GPC6: variants seen among roughly 807,000 people sequenced by gnomAD.
GPC6 encodes the protein glypican-6.
GPC6 carries 14 observed loss-of-function variants against 55.2 expected under a neutral mutation model. The ratio of observed to expected loss-of-function variants is 0.25; its 90% confidence interval spans 0.17 to 0.40. The LOEUF (loss-of-function observed/expected upper bound fraction) is 0.40. Ranked by LOEUF, GPC6 falls within the 10% of genes least tolerant of loss-of-function variation. The pLI, the probability that GPC6 is intolerant of heterozygous loss-of-function variation, is 1.00. For synonymous variants in GPC6, 278 were observed against 259.6 expected (o/e 1.07, Z -0.68); for missense variants, 641 against 708.5 (o/e 0.90, Z 1.08).
At chr13:94,244,198 T>G (rs1342627300) in intron 4 of GPC6, among the ~76,000 whole-genome samples, 2 of 152,170 alleles carry the variant, frequency 1.3e-5, no homozygotes, top group Non-Finnish European at 2.9e-5. Flanking sequence ...ATGATTTATC[T>G]GTGCTGTGCC....
intron 4 of GPC6, among the ~76,000 whole-genome samples, chr13:94,115,020 T>C (rs1054058382): frequency 1.3e-5 from 2 of 152,136 alleles, no homozygotes; most frequent in Non-Finnish European, 2.9e-5. Flanking sequence ...AATAAGTAAA[T>C]GGTTAAATGT....
chr13:94,240,364 C>A (rs780784882), intron 4 of GPC6, among the ~76,000 whole-genome samples: 2 of 152,088 alleles, frequency 1.3e-5, no homozygotes, highest in Admixed American at 6.6e-5. Context: ...TGGCATCCTC[C>A]AGACACATAT....
At chr13:93,981,281 G>T (rs892762751) in intron 3 of GPC6, among the ~76,000 whole-genome samples, 1 of 151,838 alleles carries the variant, frequency 6.6e-6, no homozygotes, top group Non-Finnish European at 1.5e-5. Flanking sequence ...AAGTTTTTTC[G>T]CAAGAACTTA....
intron 1 of GPC6, among the ~76,000 whole-genome samples, chr13:93,319,047 A>G (rs544346185): frequency 3.3e-5 from 5 of 152,214 alleles, no homozygotes; most frequent in Admixed American, 2.6e-4. Flanking sequence ...GAGATATCCC[A>G]TCAATTACTT....
chr13:93,334,029 A>G (rs1879954694), intron 1 of GPC6, among the ~76,000 whole-genome samples: 2 of 152,142 alleles, frequency 1.3e-5, no homozygotes, highest in South Asian at 2.1e-4. Context: ...TCATAAGTTC[A>G]CAAGTATATT....
intron 8 of GPC6, among the ~76,000 whole-genome samples, chr13:94,402,422 G>A (rs901666025): frequency 2.6e-5 from 4 of 152,134 alleles, no homozygotes; most frequent in Admixed American, 6.5e-5. Context: ...CATAACTCAG[G>A]TATCAGTTGA....
At chr13:93,454,127 T>C (rs1174827442) in intron 1 of GPC6, among the ~76,000 whole-genome samples, 4 of 151,118 alleles carry the variant, frequency 2.6e-5, no homozygotes, top group African/African-American at 7.3e-5. Flanking sequence ...AGAGTGTGGA[T>C]TGGTGCATTC....
intron 4 of GPC6, among the ~76,000 whole-genome samples, chr13:94,189,119 G>A (rs1297476132): frequency 6.6e-6 from 1 of 152,148 alleles, no homozygotes; most frequent in Non-Finnish European, 1.5e-5. Flanking sequence ...TGAAAAACGG[G>A]TAGAAATTCA....
chr13:93,381,389 A>G (rs16948740), intron 1 of GPC6, among the ~76,000 whole-genome samples: 2 of 152,088 alleles, frequency 1.3e-5, no homozygotes, highest in South Asian at 2.1e-4. Flanking sequence ...TACACTTTCA[A>G]AAAAAAGGGA....
intron 3 of GPC6, among the ~76,000 whole-genome samples, chr13:93,998,424 G>A (rs1197052124): frequency 6.6e-6 from 1 of 152,094 alleles, no homozygotes; most frequent in Admixed American, 6.6e-5. Context: ...CACTAATTAA[G>A]CAGAAAGAAG....
intron 4 of GPC6, among the ~76,000 whole-genome samples, chr13:94,238,325 T>G (rs1347657500): frequency 3.3e-5 from 5 of 152,242 alleles, no homozygotes; most frequent in Middle Eastern, 3.4e-3. Context: ...TCAGAGAGCC[T>G]ATAGCTAGAA....
chr13:93,694,951 A>G (rs1464305682), intron 2 of GPC6, among the ~76,000 whole-genome samples: 3 of 152,122 alleles, frequency 2.0e-5, no homozygotes, highest in African/African-American at 7.2e-5. Context: ...GAAAATGATG[A>G]AAAAGTCATC....
chr13:93,243,367 G>T lies in GPC6; in HGVS notation c.160+15751G>T, dbSNP rs913471. ...CATTCACCTGTAATTCGTTTTTTTTGTTGTTGTTGTTCTGAAGGGAATTGT... is the reference window on the plus strand; with the variant it reads ...CATTCACCTGTAATTCGTTTTTTTTTTTGTTGTTGTTCTGAAGGGAATTGT... On this transcript the variant is annotated intron_variant, in intron 1 of 8. Transcript: ENST00000377047. Among the ~76,000 whole-genome samples the T allele has an allele frequency of 1.3e-3, 199 of 151,900 alleles. 1 individual carries two copies. In the East Asian group the frequency reaches 0.027, roughly 21 times the overall value.
chr13:93,773,124 A>G (rs1208198516), intron 2 of GPC6, among the ~76,000 whole-genome samples: 1 of 152,194 alleles, frequency 6.6e-6, no homozygotes, highest in Non-Finnish European at 1.5e-5. Flanking sequence ...CTAGGAGAGA[A>G]TAAGAAATGG....
chr13:93,772,998 G>A (rs1191352085), intron 2 of GPC6, among the ~76,000 whole-genome samples: 1 of 152,058 alleles, frequency 6.6e-6, no homozygotes, highest in Non-Finnish European at 1.5e-5. Context: ...CCATGTTCCC[G>A]GTGGGACATT....
chr13:94,142,595 G>A (rs1056490186), intron 4 of GPC6, among the ~76,000 whole-genome samples: 18 of 152,236 alleles, frequency 1.2e-4, no homozygotes, highest in Admixed American at 1.2e-3. Context: ...TTAGCTAAAT[G>A]TAGCTGAATG....
Position 94,070,150 on chromosome 13 carries a change from T to C in GPC6, c.877+42256T>C, listed in dbSNP as rs193009193. Among the ~76,000 whole-genome samples the C allele has an allele frequency of 1.2e-3, 186 of 152,270 alleles. 2 individuals are homozygous for C. Among genetic ancestry groups the C allele is most frequent in the African/African-American group, 3.5e-3 (144 of 41,550 alleles). On this transcript the variant is annotated intron_variant, in intron 4 of 8. Transcript: ENST00000377047. Reference sequence around the variant, plus strand: ...TGGTGGAAGGCAAGGAGGAGCAAGTTACATCTTACAAGGATGGCGGCAGGC... The same window carrying C: ...TGGTGGAAGGCAAGGAGGAGCAAGTCACATCTTACAAGGATGGCGGCAGGC...
chr13:93,473,013 C>G (rs1426085241), intron 1 of GPC6, among the ~76,000 whole-genome samples: 1 of 152,192 alleles, frequency 6.6e-6, no homozygotes, highest in Non-Finnish European at 1.5e-5. Context: ...ATCATCTGCT[C>G]AGCTGTGGCT....
intron 6 of GPC6, among the ~76,000 whole-genome samples, chr13:94,342,399 G>A (rs1878084688): frequency 6.6e-6 from 1 of 152,154 alleles, no homozygotes; most frequent in South Asian, 2.1e-4. Context: ...GAGACCCAGA[G>A]GAGGCACATA....
Sources: allele counts gnomAD v4.1 joint callset (sites outside exome capture counted in the v4.1 genomes callset), GRCh38; gene constraint gnomAD v4.1.1; transcripts MANE v1.5; gene names NCBI Gene and HGNC (gene_info 2026-07-23, HGNC 2026-07-21).